The following PATJ variants were observed in gnomAD, a reference collection of about 807,000 sequenced individuals.
PATJ encodes inaD-like protein.
In PATJ, 190 loss-of-function variants were observed where a neutral mutation model predicts 224.9. The ratio of observed to expected loss-of-function variants is 0.84; its 90% CI spans 0.75 to 0.95. PATJ has a LOEUF of 0.95. PATJ is among the 40% of genes least tolerant of loss of function. The pLI is 0.00. For missense variants in PATJ, 2,121 were observed against 2,270.3 expected (o/e 0.93, Z 1.34); for synonymous variants, 769 against 820.3 (o/e 0.94, Z 1.07).
chr1:62,085,755 G>T (rs1306020744), intron 33 of PATJ, among the ~76,000 whole-genome samples: 1 of 150,708 alleles, frequency 6.6e-6, no homozygotes, highest in Admixed American at 6.6e-5. Flanking sequence ...GGTGTTTGAG[G>T]CTGCAGTGAG....
At chr1:61,894,498 T>C (rs1425440462) in intron 22 of PATJ, among the ~76,000 whole-genome samples, 1 of 151,864 alleles carries the variant, frequency 6.6e-6, no homozygotes, top group Non-Finnish European at 1.5e-5. Flanking sequence ...AGTGAGGGAG[T>C]TCTCACAAGA....
intron 27 of PATJ, among the ~76,000 whole-genome samples, chr1:61,946,211 A>G (rs1359527180): frequency 6.6e-6 from 1 of 152,204 alleles, no homozygotes; most frequent in Non-Finnish European, 1.5e-5. Flanking sequence ...AGAAATAACT[A>G]AGATCAGAGC....
intron 33 of PATJ, among the ~76,000 whole-genome samples, chr1:62,088,341 C>T (rs1284840472): frequency 6.6e-6 from 1 of 152,188 alleles, no homozygotes; most frequent in Non-Finnish European, 1.5e-5. Context: ...CCCAAACCTA[C>T]ATATGCACTC....
At chr1:62,096,606 A>G (rs1218716574) in intron 33 of PATJ, among the ~76,000 whole-genome samples, 1 of 152,128 alleles carries the variant, frequency 6.6e-6, no homozygotes, top group Non-Finnish European at 1.5e-5. Context: ...AAAAATGGAC[A>G]AGACTGGTGT....
intron 31 of PATJ, among the ~76,000 whole-genome samples, chr1:62,070,876 T>C (rs906346772): frequency 3.9e-5 from 6 of 152,130 alleles, no homozygotes; most frequent in Admixed American, 6.6e-5. Context: ...GTTAAATCTT[T>C]CAGGTTGTAA....
intron 1 of PATJ, among the ~76,000 whole-genome samples, chr1:61,744,860 TC>T (rs1213050599): frequency 6.6e-6 from 1 of 152,152 alleles, no homozygotes; most frequent in African/African-American, 2.4e-5. Context: ...AAATTGGGAA[TC>T]CCATAACTCC....
chr1:62,033,802 A>T (rs957587624), intron 29 of PATJ, among the ~76,000 whole-genome samples: 4 of 152,258 alleles, frequency 2.6e-5, no homozygotes, highest in African/African-American at 9.6e-5. Flanking sequence ...CCTTATTAAG[A>T]TCACTTTTGT....
At chr1:62,113,552 C>A (rs1664102378) in intron 34 of PATJ, among the ~76,000 whole-genome samples, 1 of 152,130 alleles carries the variant, frequency 6.6e-6, no homozygotes, top group Non-Finnish European at 1.5e-5. Context: ...TGAAGGATCA[C>A]TTGAGTCTGG....
At chr1:61,758,158 G>T (rs1397577916) in intron 1 of PATJ, among the ~76,000 whole-genome samples, 3 of 152,120 alleles carry the variant, frequency 2.0e-5, no homozygotes. Context: ...ATGATTCAGA[G>T]GTTACAGGCA....
intron 28 of PATJ, among the ~76,000 whole-genome samples, chr1:62,016,050 G>A (rs997630276): frequency 3.3e-5 from 5 of 152,088 alleles, no homozygotes; most frequent in African/African-American, 9.7e-5. Flanking sequence ...CTTGGCTTCC[G>A]AAAGTGCTGG....
At chr1:61,783,802 C>T (rs1647923791) in intron 7 of PATJ, among the ~76,000 whole-genome samples, 1 of 132,270 alleles carries the variant, frequency 7.6e-6, no homozygotes, top group African/African-American at 2.9e-5. Flanking sequence ...GGCTGGAGTG[C>T]AGTGGTATGA....
intron 28 of PATJ, among the ~76,000 whole-genome samples, chr1:62,005,248 G>A (rs1249750808): frequency 1.3e-5 from 2 of 151,628 alleles, no homozygotes; most frequent in African/African-American, 2.4e-5. Context: ...CTATTCTTGT[G>A]CCTCAGCTTC....
intron 37 of PATJ, chr1:62,120,884 T>C (rs1664963582): frequency 3.1e-6 from 1 of 317,964 alleles, no homozygotes; most frequent in Non-Finnish European, 5.7e-6. Flanking sequence ...GAAAATGGTT[T>C]TGATTTTATG....
intron 20 of PATJ, chr1:61,865,246 C>G (rs961420855): frequency 2.1e-5 from 3 of 144,872 alleles, no homozygotes. Flanking sequence ...GACAGGGCCT[C>G]TCTCTGTCGC....
intron 41 of PATJ, among the ~76,000 whole-genome samples, chr1:62,144,777 A>AAAAAAAATATATATATATATATATATAT (rs377489788): frequency 8.4e-6 from 1 of 119,102 alleles, no homozygotes. Flanking sequence ...AAAAAAAAAA[A>AAAAAAAATATATATATATATATATATAT]ATATATATAT....
chr1:61,864,031 C>T (rs542089567), intron 19 of PATJ, among the ~76,000 whole-genome samples: 2 of 152,318 alleles, frequency 1.3e-5, no homozygotes, highest in South Asian at 4.1e-4. Flanking sequence ...ATTTCTGCCT[C>T]ATAATTTACT....
intron 18 of PATJ, among the ~76,000 whole-genome samples, chr1:61,857,710 A>C (rs981338013): frequency 6.6e-6 from 1 of 152,234 alleles, no homozygotes; most frequent in Non-Finnish European, 1.5e-5. Flanking sequence ...TTCTACTCCC[A>C]GAGATTCTCA....
At chr1:61,744,466 CAA>C (rs979793107) in intron 1 of PATJ, among the ~76,000 whole-genome samples, 2 of 151,954 alleles carry the variant, frequency 1.3e-5, no homozygotes, top group Non-Finnish European at 2.9e-5. Flanking sequence ...TTGGGTTTGA[CAA>C]AAAGTGATTT....
At chr1:62,113,308 C>A (rs527296777) in intron 34 of PATJ, among the ~76,000 whole-genome samples, 2 of 152,080 alleles carry the variant, frequency 1.3e-5, no homozygotes, top group African/African-American at 4.8e-5. Flanking sequence ...TCCTTCTGGG[C>A]CTGTTATGAA....
Sources: gnomAD v4.1 joint callset for allele counts (sites outside exome capture counted in the v4.1 genomes callset) on GRCh38, gnomAD v4.1.1 for gene constraint, MANE v1.5 for transcripts, NCBI Gene and HGNC (gene_info 2026-07-23, HGNC 2026-07-21) for gene names.